Variants in NUP107 observed in about 807,000 individuals in gnomAD.
NUP107 encodes nucleoporin 107.
NUP107 carries 101 observed loss-of-function variants against 141.0 expected under a neutral mutation model. The ratio of observed to expected loss-of-function variants is 0.72; its 90% CI spans 0.61 to 0.84. The LOEUF is 0.84. NUP107 is among the 40% of genes least tolerant of loss of function. The pLI, the probability that NUP107 is intolerant of heterozygous loss-of-function variation, is 0.00. For synonymous variants in NUP107, 319 were observed against 363.9 expected (o/e 0.88, Z 1.41); for missense variants, 941 against 1,102.7 (o/e 0.85, Z 2.08).
intron 11 of NUP107, 57 bp downstream of exon 11, chr12:68,713,865 G>C: frequency 2.8e-6 from 4 of 1,403,510 alleles, no homozygotes; most frequent in Non-Finnish European, 4.0e-6. Context: ...TTTTTTTCAG[G>C]CTGAGAATTT....
rs191002653 is a variant in NUP107, at chr12:68,691,969, T to A, written c.305T>A (p.Val102Asp). Reference protein sequence around the residue: ...SSGFFGNLSMVTNLDDSNWAA... With the variant: ...SSGFFGNLSMDTNLDDSNWAA... The stretch of plus-strand genomic sequence containing the variant: ...TTTACTTTTTTGTTTTTTTTTAAGG[T>A]TACTAATCTGGATGACAGTAACTGG... Residue 102 changes from valine (V) to aspartate (D), a missense_variant and splice_region_variant, in exon 5 of 28, where the codon GTT becomes GAT. Val to Asp is a radical substitution (Grantham distance 152). Transcript: ENST00000229179. The A allele has an allele frequency of 4.0e-5, 64 of 1,591,086 alleles. No homozygotes were observed. In the Middle Eastern group the frequency reaches 6.7e-4, roughly 17 times the overall value.
intron 20 of NUP107, among the ~76,000 whole-genome samples, chr12:68,728,774 AAG>A (rs893676658): frequency 2.6e-5 from 4 of 151,706 alleles, no homozygotes; most frequent in African/African-American, 9.7e-5. Flanking sequence ...AAGTTAAAAA[AAG>A]AATAAATAAT....
At chr12:68,706,449 A>G (rs925922318) in intron 8 of NUP107, 122 of 753,496 alleles carry the variant, frequency 1.6e-4, no homozygotes, top group Middle Eastern at 5.9e-4. Flanking sequence ...GAGATCGCCA[A>G]CCACAACCAG....
At chr12:68,721,237 C>T (rs945505631) in intron 15 of NUP107, 60 bp downstream of exon 15, 4 of 1,106,372 alleles carry the variant, frequency 3.6e-6, no homozygotes, top group African/African-American at 1.6e-5. Flanking sequence ...ATAAAATATT[C>T]TAACAATTGT....
chr12:68,741,553 A>G (rs1008276523), intron 26 of NUP107, among the ~76,000 whole-genome samples: 3 of 152,150 alleles, frequency 2.0e-5, no homozygotes, highest in Non-Finnish European at 4.4e-5. Context: ...TTTTTGCTCT[A>G]ATGATATTCA....
rs148426994 is a variant in NUP107 at position 68,702,326 on chromosome 12, T to C, written c.681-410T>C. Among the ~76,000 whole-genome samples, 423 of 152,256 alleles carry C rather than the reference T, an allele frequency of 2.8e-3. 3 individuals carry two copies. The highest frequency in any genetic ancestry group is 9.7e-3 in the African/African-American group (402 of 41,554). On this transcript the variant is annotated intron_variant, in intron 7 of 27. Transcript: ENST00000229179. Reference sequence around the variant, plus strand: ...TTTTAGTAGAGACAGGGTTTCACTATGTTGGCCAGGCTGGTCTCGAACACC... The same window carrying C: ...TTTTAGTAGAGACAGGGTTTCACTACGTTGGCCAGGCTGGTCTCGAACACC...
chr12:68,689,835 TTTTA>T (rs1875694502), intron 3 of NUP107: 1 of 462,278 alleles, frequency 2.2e-6, no homozygotes, highest in Non-Finnish European at 3.8e-6. Context: ...GTTGGCCCTG[TTTTA>T]CCAAAACTGA....
In NUP107 at chr12:68,732,647, TA is replaced by T; in HGVS notation, c.2014del (p.Ile672LeufsTer3). ...CCCTTTAATAAATAGGAGGATCGTTTAAAAATTGATGTAATTGACTGGTTGG... is the reference window on the plus strand; with the variant it reads ...CCCTTTAATAAATAGGAGGATCGTTTAAAATTGATGTAATTGACTGGTTGG... Reference protein sequence around the residue: ...LDTGTTEEDRLKIDVIDWLVF... With the variant: ...LDTGTTEEDRXKIDVIDWLVF... On this transcript the variant is annotated frameshift_variant, in exon 23 of 28. Coordinates refer to ENST00000229179, the MANE Select transcript of NUP107 (RefSeq NM_020401.4). LOFTEE classifies it high-confidence loss of function. 6.3e-7 allele frequency: 1 copy of T among 1,591,780 alleles called. No individual in the cohort carries two copies. Among genetic ancestry groups the T allele is most frequent in the South Asian group, 1.1e-5 (1 of 87,844 alleles).
At chr12:68,718,719 C>A (rs1345766306) in intron 12 of NUP107, among the ~76,000 whole-genome samples, 3 of 151,758 alleles carry the variant, frequency 2.0e-5, no homozygotes, top group African/African-American at 7.3e-5. Flanking sequence ...TCCCTTCAGT[C>A]CAGAAGTTCG....
chr12:68,725,745 C>T lies in NUP107; in HGVS notation c.1525C>T (p.Gln509Ter). 1 of 1,523,456 alleles carries T rather than the reference C, an allele frequency of 6.6e-7. No homozygotes were observed. The highest frequency in any genetic ancestry group is 8.9e-7 in the Non-Finnish European group (1 of 1,120,160). 94.4% of individuals were successfully genotyped at this position (1,523,456 alleles called of 1,614,324 possible). A position where few individuals can be genotyped will look rare whatever the true frequency, so the allele number is the denominator to read the frequency against. ...TTTTCAGAGAGTTCTGGAAGAGAAT[C>T]AAGAACATTATCATATAGTTCAAAA... Reference protein sequence around the residue: ...TDKKRVLEENQEHYHIVQKFL... With the variant: ...TDKKRVLEEN Residue 509 changes from glutamine (Q) to a stop codon, truncating the protein, a stop_gained, in exon 18 of 28, where the codon CAA becomes TAA. Coordinates refer to ENST00000229179, the MANE Select transcript of NUP107 (RefSeq NM_020401.4). LOFTEE classifies it high-confidence loss of function.
At position 68,739,836 on chromosome 12, in the gene NUP107, C is replaced by CA. The variant is rs11320136; in HGVS notation, c.2503-1961dup. 341 of 106,222 alleles carry CA rather than the reference C, an allele frequency of 3.2e-3. 2 individuals are homozygous for CA. The highest frequency in any genetic ancestry group is 0.019 in the South Asian group (64 of 3,448). 6.6% of individuals were successfully genotyped at this position (106,222 alleles called of 1,614,324 possible). On this transcript the variant is annotated intron_variant, in intron 26 of 27. Transcript: ENST00000229179. ...TGGGCGACAGAGCGAGACTCCGTCT[C>CA]AAAAAAAAAAAAAAAAGTGGAAATA...
At chr12:68,720,912 C>T (rs1264571943) in intron 14 of NUP107, among the ~76,000 whole-genome samples, 1 of 152,068 alleles carries the variant, frequency 6.6e-6, no homozygotes. Flanking sequence ...AAATGTTTTA[C>T]TTTTTCCTCT....
At chr12:68,736,717 C>CTTTTTTTTTTTTTTTTTTTTTTTTTT (rs10713889) in intron 26 of NUP107, among the ~76,000 whole-genome samples, 1 of 105,894 alleles carries the variant, frequency 9.4e-6, no homozygotes, top group African/African-American at 3.8e-5. Context: ...GTGTCGCCAC[C>CTTTTTTTTTTTTTTTTTTTTTTTTTT]TTTTTTTTTT....
Position 68,735,324 on chromosome 12 carries a change from TG to T in NUP107, c.2484del (p.Trp828Ter), listed in dbSNP as rs779319670. ...CGTCTTGTTGTTTGTTGATGGAGGG[TG>T]GATGGTGGATGTTAGAGAGGTAAGC... The part of the protein sequence containing the change: ...YNVLLFVDGG[W>X]MVDVREDAKE... On this transcript the variant is annotated frameshift_variant, in exon 26 of 28. Transcript: ENST00000229179. LOFTEE classifies it high-confidence loss of function. The T allele has an allele frequency of 1.2e-6, 2 of 1,613,502 alleles. No homozygotes were observed.
At chr12:68,732,223 C>T (rs1044227946) in intron 22 of NUP107, among the ~76,000 whole-genome samples, 14 of 152,200 alleles carry the variant, frequency 9.2e-5, no homozygotes, top group African/African-American at 1.4e-4. Context: ...CTGCAACCTT[C>T]GCCTTCTAGG....
chr12:68,705,699 C>T, intron 8 of NUP107: 2 of 652,426 alleles, frequency 3.1e-6, no homozygotes, highest in South Asian at 1.4e-5. Flanking sequence ...CCTTCAGTAG[C>T]CATTCCTACA....
At position 68,729,426 on chromosome 12, in the gene NUP107, CT is replaced by C. The variant is rs931662058; in HGVS notation, c.1735-1675del. Among the ~76,000 whole-genome samples, 36 of 150,266 alleles carry C rather than the reference CT, an allele frequency of 2.4e-4. No homozygotes were observed. In the East Asian group the frequency reaches 5.4e-3, roughly 23 times the overall value. ...TACATATAATGGATTTATGACATACCTTTTTTTTTATTTTTTATTTTTTTTT... is the reference window on the plus strand; with the variant it reads ...TACATATAATGGATTTATGACATACCTTTTTTTTATTTTTTATTTTTTTTT... On this transcript the variant is annotated intron_variant, in intron 20 of 27. Coordinates refer to ENST00000229179, the MANE Select transcript of NUP107 (RefSeq NM_020401.4).
Position 68,692,039 on chromosome 12 carries a change from A to G in NUP107, c.375A>G (p.Thr125=). 1.2e-6 allele frequency: 2 copies of G among 1,612,268 alleles called. No homozygotes were observed. Among genetic ancestry groups the G allele is most frequent in the Non-Finnish European group, 1.7e-6 (2 of 1,178,984 alleles). ...SSQRSGLFTN[T]EPHSITEDVT... ...AGCGTTCCGGGCTGTTCACAAACAC[A>G]GAGCCCCACAGTATAACAGAAGATG... The change falls in exon 5 of 28, where the codon ACA becomes ACG. Residue 125 remains threonine (T), a synonymous_variant. Transcript: ENST00000229179.
chr12:68,731,687 C>T lies in NUP107; in HGVS notation c.1966C>T (p.Leu656=), dbSNP rs373766106. 17 of 1,582,502 alleles carry T rather than the reference C, an allele frequency of 1.1e-5. No homozygotes were observed. Among genetic ancestry groups the T allele is most frequent in the Non-Finnish European group, 1.5e-5 (17 of 1,170,034 alleles). ...KDNGEFSHHD[L]APALDTGTTE... ...TAATGGTGAATTTAGTCATCATGAC[C>T]TGGCCCCAGCCCTAGATACTGGCAC... The change falls in exon 22 of 28, where the codon CTG becomes TTG. Residue 656 remains leucine (L), a synonymous_variant. Coordinates refer to ENST00000229179, the MANE Select transcript of NUP107 (RefSeq NM_020401.4).
Sources: gnomAD v4.1 joint callset for allele counts (sites outside exome capture counted in the v4.1 genomes callset) on GRCh38, gnomAD v4.1.1 for gene constraint, MANE v1.5 for transcripts, NCBI Gene and HGNC (gene_info 2026-07-23, HGNC 2026-07-21) for gene names.